The following LAMA1 variants were observed in gnomAD, a reference collection of about 807,000 sequenced individuals.
The protein encoded by LAMA1 is laminin subunit alpha-1.
In LAMA1, 219 loss-of-function variants were observed where a neutral mutation model predicts 348.7. That is an observed-to-expected ratio of 0.63 (90% CI 0.56 to 0.70). LAMA1 has a LOEUF of 0.70. LAMA1 is among the 30% of genes least tolerant of loss of function. LAMA1 has a pLI of 0.00. For missense variants in LAMA1, 3,744 were observed against 3,888.0 expected (o/e 0.96, Z 0.99); for synonymous variants, 1,487 against 1,491.0 (o/e 1.00, Z 0.06).
intron 1 of LAMA1, among the ~76,000 whole-genome samples, chr18:7,114,395 A>C (rs1357934941): frequency 6.6e-6 from 1 of 152,242 alleles, no homozygotes; most frequent in Non-Finnish European, 1.5e-5. Context: ...CTGGCATTTG[A>C]GCCCAAGACT....
At chr18:6,968,210 G>C (rs999523593) in intron 48 of LAMA1, among the ~76,000 whole-genome samples, 3 of 152,204 alleles carry the variant, frequency 2.0e-5, no homozygotes, top group Non-Finnish European at 4.4e-5. Context: ...TCAAGTGGGA[G>C]CCTGGAATTA....
At chr18:6,994,700 T>C (rs72901028) in intron 34 of LAMA1, among the ~76,000 whole-genome samples, 6,304 of 112,744 alleles carry the variant, frequency 0.056, 451 homozygotes, top group African/African-American at 0.17. Flanking sequence ...CACACACACA[T>C]ACAAAATTCA....
At chr18:6,982,675 AG>A in intron 40 of LAMA1, 85 bp from the exon 41 acceptor site, 1 of 1,104,694 alleles carries the variant, frequency 9.1e-7, no homozygotes, top group Non-Finnish European at 1.4e-6. Context: ...CCATCAGAGT[AG>A]CCCCCAGACA....
intron 1 of LAMA1, among the ~76,000 whole-genome samples, chr18:7,107,976 T>A (rs1025525645): frequency 6.7e-6 from 1 of 149,986 alleles, no homozygotes; most frequent in Non-Finnish European, 1.5e-5. Flanking sequence ...ATCGCGCCAC[T>A]GCACTCCAGC....
chr18:7,015,887 G>C lies in LAMA1; in HGVS notation c.2990-29C>G, dbSNP rs762097011. On this transcript the variant is annotated intron_variant, in intron 21 of 62. Coordinates refer to ENST00000389658, the MANE Select transcript of LAMA1 (RefSeq NM_005559.4). ...AAATAAAGATGAATGCTGGGTTACAGATCTGGGTGATGTCATTAAAGGGCT... is the reference window on the plus strand; with the variant it reads ...AAATAAAGATGAATGCTGGGTTACACATCTGGGTGATGTCATTAAAGGGCT... 9.3e-6 allele frequency: 15 copies of C among 1,613,742 alleles called. No homozygotes were observed. The East Asian group carries it at 3.1e-4, about 34-fold the overall frequency.
chr18:7,027,548 C>CA (rs35909377), intron 16 of LAMA1, among the ~76,000 whole-genome samples: 9,303 of 141,032 alleles, frequency 0.066, 636 homozygotes, highest in African/African-American at 0.19. Flanking sequence ...ACAACAACAA[C>CA]AAAAAAAAGC....
intron 44 of LAMA1, among the ~76,000 whole-genome samples, chr18:6,977,063 C>A (rs2057685876): frequency 6.6e-6 from 1 of 152,190 alleles, no homozygotes; most frequent in Non-Finnish European, 1.5e-5. Flanking sequence ...TGGACAAATG[C>A]AAGCCCAGAG....
In LAMA1 at chr18:7,035,941, C is replaced by T. The variant is rs761459347; in HGVS notation, c.1839+46G>A. Reference sequence around the variant, plus strand: ...AACTTTCAGTCATAAACTATCAGCCCACTAAGCCCTAAGCTCTATAGCAGA... The same window carrying T: ...AACTTTCAGTCATAAACTATCAGCCTACTAAGCCCTAAGCTCTATAGCAGA... On this transcript the variant is annotated intron_variant, in intron 13 of 62. Transcript: ENST00000389658. The T allele has an allele frequency of 6.1e-6, 9 of 1,466,162 alleles. No individual in the cohort carries two copies. The Admixed American group carries it at 1.0e-4, about 16-fold the overall frequency. The allele number at this position is 1,466,162 out of a possible 1,614,324, so 90.8% of individuals were successfully genotyped here.
intron 3 of LAMA1, among the ~76,000 whole-genome samples, chr18:7,056,536 C>G (rs1430197392): frequency 6.6e-6 from 1 of 152,210 alleles, no homozygotes; most frequent in Non-Finnish European, 1.5e-5. Context: ...AAACAAACTA[C>G]TGAGTTGCAG....
At position 7,009,349 on chromosome 18, in the gene LAMA1, A is replaced by C; in HGVS notation, c.3891T>G (p.Phe1297Leu). 1 of 1,614,144 alleles carries C rather than the reference A, an allele frequency of 6.2e-7. No homozygotes were observed. Among genetic ancestry groups the C allele is most frequent in the Non-Finnish European group, 8.5e-7 (1 of 1,179,994 alleles). The stretch of plus-strand genomic sequence containing the variant: ...TGACAGGTTTTTCAGAAACAGAGTT[A>C]AAATATTTCCAAAAATTCTGTAGAA... ...VAMRENFWKYFNSVSEKPVTR... is the reference protein window; with the variant it reads ...VAMRENFWKYLNSVSEKPVTR... Residue 1297 changes from phenylalanine to leucine, a missense_variant, in exon 27 of 63, where the codon TTT becomes TTG. Phe to Leu is a conservative substitution (Grantham distance 22, BLOSUM62 0). Transcript: ENST00000389658.
chr18:6,949,903 T>A (rs1159008544), intron 58 of LAMA1, among the ~76,000 whole-genome samples: 1 of 152,226 alleles, frequency 6.6e-6, no homozygotes, highest in Non-Finnish European at 1.5e-5. Flanking sequence ...CCTGCTAAGA[T>A]GTAGGCATAA....
At position 7,050,848 on chromosome 18, in the gene LAMA1, G is replaced by GT. The variant is rs2058059866; in HGVS notation, c.433dup (p.Thr145AsnfsTer33). On this transcript the variant is annotated frameshift_variant, in exon 4 of 63. Transcript: ENST00000389658. LOFTEE classifies it high-confidence loss of function. ...TGCATAATACTGCCAGGGGCTGAAC[G>GT]TGGTGCCATCCAGAGAACGCTCCAA... 5 of 1,614,166 alleles carry GT rather than the reference G, an allele frequency of 3.1e-6. No individual in the cohort carries two copies. The highest frequency in any genetic ancestry group is 4.2e-6 in the Non-Finnish European group (5 of 1,180,044).
chr18:6,982,409 T>C, intron 41 of LAMA1, 88 bp downstream of exon 41: 1 of 1,044,620 alleles, frequency 9.6e-7, no homozygotes, highest in Non-Finnish European at 1.5e-6. Context: ...TTCAAGTTGC[T>C]GCATGCAAGG....
chr18:7,079,989 G>C lies in LAMA1; in HGVS notation c.331C>G (p.Leu111Val). Residue 111 changes from leucine (L) to valine (V), a missense_variant, in exon 3 of 63, where the codon CTG becomes GTG. Leu to Val is a conservative substitution (Grantham distance 32). This residue lies in a region of LAMA1 where 1,529 missense variants were observed against 1,689.4 expected (regional missense o/e 0.91). Transcript: ENST00000389658. ...GGCTCACCTACCTGTCTTAAGTCCA[G>C]AGTGATTGTGACCCAGTGATATTCT... ...GREYHWVTIT[L>V]DLRQVFQVAY... The C allele has an allele frequency of 6.2e-7, 1 of 1,613,406 alleles. No homozygotes were observed. Among genetic ancestry groups the C allele is most frequent in the Non-Finnish European group, 8.5e-7 (1 of 1,179,290 alleles).
intron 14 of LAMA1, 119 bp downstream of exon 14, chr18:7,034,360 G>A: frequency 1.3e-6 from 1 of 774,200 alleles, no homozygotes. Context: ...GCCAGATCCT[G>A]TAGCTGTGTC....
chr18:6,947,131 G>A, intron 61 of LAMA1, 32 bp downstream of exon 61: 9 of 1,605,248 alleles, frequency 5.6e-6, no homozygotes, highest in Non-Finnish European at 7.7e-6. Context: ...ACACTGGGGG[G>A]AGGAAGACCC....
intron 3 of LAMA1, among the ~76,000 whole-genome samples, chr18:7,052,790 G>A (rs2058067141): frequency 6.6e-6 from 1 of 151,786 alleles, no homozygotes; most frequent in African/African-American, 2.4e-5. Context: ...TTGGGAGACT[G>A]AGAGTGAATC....
chr18:6,994,673 A>ACG (rs370403388), intron 34 of LAMA1, among the ~76,000 whole-genome samples: 124 of 21,244 alleles, frequency 5.8e-3, no homozygotes, highest in African/African-American at 0.017. Flanking sequence ...CACAGTACAG[A>ACG]CACACACACA....
chr18:7,096,077 G>A (rs1464388241), intron 1 of LAMA1, among the ~76,000 whole-genome samples: 9 of 152,134 alleles, frequency 5.9e-5, no homozygotes, highest in Admixed American at 5.9e-4. Context: ...CAAAAAAAAA[G>A]AAAATACTTC....
Sources: gnomAD v4.1 joint callset for allele counts (sites outside exome capture counted in the v4.1 genomes callset) on GRCh38, gnomAD v4.1.1 for gene constraint, gnomAD v4.1.1 regional missense constraint, MANE v1.5 for transcripts, NCBI Gene and HGNC (gene_info 2026-07-23, HGNC 2026-07-21) for gene names.